The following SLC9B1 variants were observed in gnomAD, a reference collection of about 807,000 sequenced individuals.
SLC9B1 encodes sodium/hydrogen exchanger 9B1.
SLC9B1 carries 32 observed loss-of-function variants against 51.7 expected under a neutral mutation model. That is an observed-to-expected ratio of 0.62 (90% confidence interval 0.47 to 0.83). SLC9B1 has a LOEUF of 0.83. SLC9B1 is among the 40% of genes least tolerant of loss of function. The probability of loss-of-function intolerance (pLI) is 0.00; values close to 1 mark genes in which losing one functional copy is unlikely to be tolerated. For missense variants in SLC9B1, 406 were observed against 613.2 expected (o/e 0.66, Z 3.57); for synonymous variants, 145 against 212.7 (o/e 0.68, Z 2.77).
intron 7 of SLC9B1, among the ~76,000 whole-genome samples, chr4:102,920,670 T>C (rs1560927676): frequency 6.6e-6 from 1 of 152,222 alleles, no homozygotes; most frequent in East Asian, 1.9e-4. Flanking sequence ...TGAAAAAAGA[T>C]TAGATGAATG....
At chr4:102,915,433 T>G (rs1303569479) in intron 7 of SLC9B1, among the ~76,000 whole-genome samples, 1 of 152,230 alleles carries the variant, frequency 6.6e-6, no homozygotes, top group Admixed American at 6.5e-5. Context: ...CTTGCTCTGT[T>G]GCCCAGGCTG....
At chr4:102,923,907 G>C (rs1266935092) in intron 7 of SLC9B1, among the ~76,000 whole-genome samples, 2 of 152,084 alleles carry the variant, frequency 1.3e-5, no homozygotes, top group Non-Finnish European at 2.9e-5. Context: ...AAATAAAAGA[G>C]GACACAAACA....
downstream of SLC9B1, chr4:102,898,300 C>G: frequency 2.2e-6 from 1 of 446,038 alleles, no homozygotes; most frequent in Non-Finnish European, 4.3e-6. Flanking sequence ...ATCTCAATAT[C>G]AAAAACCTTA....
At chr4:102,954,517 T>C (rs1168178419) in intron 3 of SLC9B1, among the ~76,000 whole-genome samples, 3 of 150,558 alleles carry the variant, frequency 2.0e-5, no homozygotes, top group Admixed American at 6.7e-5. Flanking sequence ...GAATAAACAA[T>C]AGAGCAGATT....
intron 7 of SLC9B1, among the ~76,000 whole-genome samples, chr4:102,921,654 T>C (rs1011368110): frequency 6.6e-6 from 1 of 152,162 alleles, no homozygotes; most frequent in Non-Finnish European, 1.5e-5. Context: ...GTGTGCTGTA[T>C]TCAGGAGACC....
chr4:102,930,728 A>G (rs553295291), intron 7 of SLC9B1, among the ~76,000 whole-genome samples: 222 of 152,000 alleles, frequency 1.5e-3, no homozygotes, highest in African/African-American at 5.0e-3. Flanking sequence ...ATTAAAAAAA[A>G]TTTTTATAGC....
chr4:102,954,506 C>T (rs1373553602), intron 3 of SLC9B1, among the ~76,000 whole-genome samples: 5 of 148,906 alleles, frequency 3.4e-5, no homozygotes, highest in Non-Finnish European at 7.4e-5. Context: ...TAATCATAAT[C>T]GAATAAACAA....
chr4:102,951,490 A>G (rs941920081), intron 3 of SLC9B1, among the ~76,000 whole-genome samples: 4 of 152,142 alleles, frequency 2.6e-5, no homozygotes, highest in African/African-American at 9.7e-5. Context: ...ACTAGAGACA[A>G]TTTTTAAAAA....
At chr4:102,933,675 T>C (rs3960814) in intron 6 of SLC9B1, among the ~76,000 whole-genome samples, 1 of 152,166 alleles carries the variant, frequency 6.6e-6, no homozygotes, top group Non-Finnish European at 1.5e-5. Flanking sequence ...TTTTTTCCAA[T>C]GGGGTTTTCT....
chr4:102,957,692 A>T (rs923708044), intron 3 of SLC9B1, among the ~76,000 whole-genome samples: 2 of 152,214 alleles, frequency 1.3e-5, no homozygotes, highest in Non-Finnish European at 2.9e-5. Flanking sequence ...ATGACACCAG[A>T]TGGCAACTTG....
chr4:102,983,298 A>G (rs1462945967), intron 3 of SLC9B1, among the ~76,000 whole-genome samples: 7 of 152,150 alleles, frequency 4.6e-5, no homozygotes, highest in African/African-American at 1.7e-4. Context: ...ATTTGTTAAT[A>G]CTTTGTTAAG....
chr4:102,993,539 A>C (rs1284723723), intron 1 of SLC9B1, among the ~76,000 whole-genome samples: 1 of 152,192 alleles, frequency 6.6e-6, no homozygotes, highest in Non-Finnish European at 1.5e-5. Context: ...TTTTCCAGGC[A>C]CATGGTGCAA....
At chr4:102,945,489 T>A (rs1163523072) in intron 5 of SLC9B1, among the ~76,000 whole-genome samples, 169 bp from the exon 6 acceptor site, 2 of 152,174 alleles carry the variant, frequency 1.3e-5, no homozygotes, top group Non-Finnish European at 2.9e-5. Context: ...ATTTTATATG[T>A]CATCATAGGT....
chr4:102,898,738 AT>A (rs1468893520), downstream of SLC9B1, among the ~76,000 whole-genome samples: 1 of 152,096 alleles, frequency 6.6e-6, no homozygotes, highest in African/African-American at 2.4e-5. Flanking sequence ...TTGTTATTTT[AT>A]TTTTTTGAGA....
At chr4:102,923,234 C>T (rs1156833770) in intron 7 of SLC9B1, among the ~76,000 whole-genome samples, 1 of 152,136 alleles carries the variant, frequency 6.6e-6, no homozygotes, top group Non-Finnish European at 1.5e-5. Context: ...TGGCTTCATC[C>T]CTGGGATGCA....
chr4:102,977,061 G>A (rs1270950266), intron 3 of SLC9B1, among the ~76,000 whole-genome samples: 2 of 151,864 alleles, frequency 1.3e-5, no homozygotes, highest in Non-Finnish European at 2.9e-5. Context: ...GAGGCAGGAG[G>A]ATCACTTGAG....
At chr4:102,961,822 C>T (rs1289728780) in intron 3 of SLC9B1, 1 of 178,236 alleles carries the variant, frequency 5.6e-6, no homozygotes, top group Non-Finnish European at 1.2e-5. Context: ...CTGCACCCAT[C>T]TACAATATAT....
At chr4:102,978,261 A>G (rs1392418388) in intron 3 of SLC9B1, among the ~76,000 whole-genome samples, 1 of 152,204 alleles carries the variant, frequency 6.6e-6, no homozygotes, top group Non-Finnish European at 1.5e-5. Flanking sequence ...TAGCGCCGCA[A>G]TAAACATACG....
At chr4:102,979,775 A>G (rs960501943) in intron 3 of SLC9B1, among the ~76,000 whole-genome samples, 4 of 152,176 alleles carry the variant, frequency 2.6e-5, no homozygotes, top group Non-Finnish European at 5.9e-5. Flanking sequence ...AGCAGAGATT[A>G]CAGAGAGATC....
Sources: gnomAD v4.1 joint callset for allele counts (sites outside exome capture counted in the v4.1 genomes callset) on GRCh38, gnomAD v4.1.1 for gene constraint, MANE v1.5 for transcripts, NCBI Gene and HGNC (gene_info 2026-07-23, HGNC 2026-07-21) for gene names.